The following ATXN7L1 variants were observed in gnomAD, a reference collection of about 807,000 sequenced individuals.
ATXN7L1 encodes the protein ataxin-7-like protein 1.
In ATXN7L1, 15 loss-of-function variants were observed where a neutral mutation model predicts 70.8. The ratio of observed to expected loss-of-function variants is 0.21; its 90% CI spans 0.14 to 0.33. ATXN7L1 has a LOEUF of 0.33. Among genes scored for constraint, ATXN7L1 ranks in the 10% least tolerant of loss-of-function variants. ATXN7L1 has a pLI of 1.00. For missense variants in ATXN7L1, 975 were observed against 1,097.1 expected (o/e 0.89, Z 1.57); for synonymous variants, 440 against 445.1 (o/e 0.99, Z 0.14).
chr7:105,638,951 G>A (rs1797759734), intron 6 of ATXN7L1, among the ~76,000 whole-genome samples: 1 of 152,138 alleles, frequency 6.6e-6, no homozygotes, highest in African/African-American at 2.4e-5. Context: ...ATTCGGCCCA[G>A]ACAAACAGAG....
chr7:105,873,305 C>T (rs1377271767), intron 2 of ATXN7L1, among the ~76,000 whole-genome samples: 2 of 152,202 alleles, frequency 1.3e-5, no homozygotes, highest in Non-Finnish European at 2.9e-5. Context: ...TGCTTAAAGC[C>T]AACAGTGTCA....
intron 3 of ATXN7L1, among the ~76,000 whole-genome samples, chr7:105,727,777 T>TATACACAC (rs1462125950): frequency 4.4e-5 from 4 of 90,242 alleles, no homozygotes; most frequent in African/African-American, 2.4e-4. Flanking sequence ...TATATATATA[T>TATACACAC]ACACACACAT....
chr7:105,840,520 AC>A (rs1813051639), intron 2 of ATXN7L1, among the ~76,000 whole-genome samples: 1 of 151,988 alleles, frequency 6.6e-6, no homozygotes, highest in African/African-American at 2.4e-5. Flanking sequence ...CATTTTCTGA[AC>A]CTTCCTGATT....
At chr7:105,714,753 C>T (rs2098289) in intron 3 of ATXN7L1, among the ~76,000 whole-genome samples, 4,657 of 152,280 alleles carry the variant, frequency 0.031, 247 homozygotes, top group African/African-American at 0.1. Context: ...ATCTCTGCCT[C>T]CTGGATTCAA....
chr7:105,727,761 T>TA, intron 3 of ATXN7L1, among the ~76,000 whole-genome samples: 1 of 90,836 alleles, frequency 1.1e-5, no homozygotes, highest in Non-Finnish European at 2.1e-5. Context: ...TATATATATA[T>TA]ATATATATAT....
intron 2 of ATXN7L1, among the ~76,000 whole-genome samples, chr7:105,865,660 CAA>C (rs1401119777): frequency 6.6e-6 from 1 of 152,180 alleles, no homozygotes; most frequent in East Asian, 1.9e-4. Flanking sequence ...CTTGGCCTCC[CAA>C]AGTGCTGGGA....
chr7:105,814,216 G>A (rs1585065890), intron 2 of ATXN7L1, among the ~76,000 whole-genome samples: 2 of 152,112 alleles, frequency 1.3e-5, no homozygotes, highest in Non-Finnish European at 2.9e-5. Context: ...AATTGTGATC[G>A]CAATGCCAGC....
intron 2 of ATXN7L1, among the ~76,000 whole-genome samples, chr7:105,790,926 C>T (rs1211387880): frequency 6.6e-6 from 1 of 152,166 alleles, no homozygotes; most frequent in African/African-American, 2.4e-5. Flanking sequence ...TAGGTTCAAC[C>T]TGTGTCTTTA....
chr7:105,649,944 G>A (rs942601043), intron 4 of ATXN7L1, among the ~76,000 whole-genome samples: 1 of 152,160 alleles, frequency 6.6e-6, no homozygotes, highest in Admixed American at 6.5e-5. Context: ...TGACTCACTG[G>A]CAGAGCCTTA....
At chr7:105,646,579 G>C (rs181616468) in intron 4 of ATXN7L1, among the ~76,000 whole-genome samples, 33 of 152,100 alleles carry the variant, frequency 2.2e-4, no homozygotes, top group African/African-American at 8.0e-4. Flanking sequence ...CACCACACTT[G>C]GCTAATTTTT....
intron 7 of ATXN7L1, among the ~76,000 whole-genome samples, chr7:105,635,843 AG>A (rs1188880459): frequency 1.3e-5 from 2 of 149,826 alleles, no homozygotes; most frequent in Non-Finnish European, 3.0e-5. Flanking sequence ...CATGTGCGAT[AG>A]TTTTTTTTTT....
intron 2 of ATXN7L1, among the ~76,000 whole-genome samples, chr7:105,793,616 G>A (rs1240845051): frequency 6.6e-6 from 1 of 152,152 alleles, no homozygotes; most frequent in Non-Finnish European, 1.5e-5. Context: ...TCTAGGCTGT[G>A]GCTGAATGCC....
At chr7:105,743,908 G>A (rs1798287525) in intron 3 of ATXN7L1, among the ~76,000 whole-genome samples, 1 of 152,208 alleles carries the variant, frequency 6.6e-6, no homozygotes, top group Non-Finnish European at 1.5e-5. Context: ...ACTGACATGA[G>A]TGGAAAATGG....
intron 2 of ATXN7L1, among the ~76,000 whole-genome samples, chr7:105,866,541 T>G (rs1266273974): frequency 6.6e-6 from 1 of 152,156 alleles, no homozygotes; most frequent in African/African-American, 2.4e-5. Context: ...CTCAGCCCAC[T>G]TGCAAGAAGG....
At chr7:105,767,950 A>T (rs1801499249) in intron 3 of ATXN7L1, among the ~76,000 whole-genome samples, 1 of 152,226 alleles carries the variant, frequency 6.6e-6, no homozygotes, top group South Asian at 2.1e-4. Context: ...CTCATCTCCA[A>T]GCCCCTTATT....
At chr7:105,797,124 G>T (rs978991835) in intron 2 of ATXN7L1, among the ~76,000 whole-genome samples, 23 of 152,232 alleles carry the variant, frequency 1.5e-4, no homozygotes, top group African/African-American at 5.3e-4. Flanking sequence ...TGAGCGTGCG[G>T]GTGCGTGCAG....
At chr7:105,713,177 A>G (rs1794133408) in intron 3 of ATXN7L1, among the ~76,000 whole-genome samples, 1 of 152,204 alleles carries the variant, frequency 6.6e-6, no homozygotes, top group African/African-American at 2.4e-5. Context: ...CGAGAATAGC[A>G]AGGGGGAAAT....
chr7:105,647,238 G>A (rs558730978), intron 4 of ATXN7L1, among the ~76,000 whole-genome samples: 2 of 152,180 alleles, frequency 1.3e-5, no homozygotes, highest in Non-Finnish European at 2.9e-5. Context: ...TTAACATAAC[G>A]CCTCTAGTTT....
At chr7:105,678,688 G>A (rs1449714370) in intron 3 of ATXN7L1, among the ~76,000 whole-genome samples, 1 of 152,162 alleles carries the variant, frequency 6.6e-6, no homozygotes, top group Non-Finnish European at 1.5e-5. Flanking sequence ...TTGACACGCC[G>A]GGAAGGTTCA....
Sources: allele counts gnomAD v4.1 joint callset (sites outside exome capture counted in the v4.1 genomes callset), GRCh38; gene constraint gnomAD v4.1.1; transcripts MANE v1.5; gene names NCBI Gene and HGNC (gene_info 2026-07-23, HGNC 2026-07-21).